The following NRG1 variants were observed in gnomAD, a reference collection of about 807,000 sequenced individuals.
NRG1 encodes pro-neuregulin-1, membrane-bound isoform.
NRG1 carries 18 observed loss-of-function variants against 63.8 expected under a neutral mutation model. That is an observed-to-expected ratio of 0.28 (90% confidence interval 0.19 to 0.42). The LOEUF (loss-of-function observed/expected upper bound fraction) is 0.42, where lower values mean the gene tolerates loss of function less well. Among genes scored for constraint, NRG1 ranks in the 10% least tolerant of loss-of-function variants. The pLI, the probability that NRG1 is intolerant of heterozygous loss-of-function variation, is 1.00. For synonymous variants in NRG1, 302 were observed against 301.3 expected (o/e 1.00, Z -0.02); for missense variants, 762 against 814.7 (o/e 0.94, Z 0.79).
chr8:31,834,290 C>CAT (rs1825456591), intron 1 of NRG1, among the ~76,000 whole-genome samples: 2 of 66,834 alleles, frequency 3.0e-5, no homozygotes, highest in Admixed American at 1.6e-4. Context: ...TCCCTTCATG[C>CAT]GTGTGCGCGC....
chr8:32,720,166 G>T (rs944820212), intron 5 of NRG1, among the ~76,000 whole-genome samples: 1 of 152,050 alleles, frequency 6.6e-6, no homozygotes, highest in African/African-American at 2.4e-5. Context: ...GTAGCTTGTT[G>T]AATAACTGAA....
chr8:32,755,348 C>T (rs1170810178), intron 8 of NRG1, among the ~76,000 whole-genome samples: 1 of 152,118 alleles, frequency 6.6e-6, no homozygotes, highest in Non-Finnish European at 1.5e-5. Flanking sequence ...GCCAAACCAT[C>T]CATGGGAATA....
intron 1 of NRG1, among the ~76,000 whole-genome samples, chr8:31,716,621 C>G (rs955756330): frequency 6.6e-6 from 1 of 152,212 alleles, no homozygotes; most frequent in Non-Finnish European, 1.5e-5. Flanking sequence ...ATCTTAATAA[C>G]ATATATTACC....
At chr8:32,390,196 G>A (rs1456018054) in intron 1 of NRG1, among the ~76,000 whole-genome samples, 1 of 152,072 alleles carries the variant, frequency 6.6e-6, no homozygotes, top group Admixed American at 6.6e-5. Context: ...CCTGATTCTG[G>A]AAATGCTTTC....
chr8:32,290,169 A>G (rs1342692333), intron 1 of NRG1, among the ~76,000 whole-genome samples: 2 of 152,104 alleles, frequency 1.3e-5, no homozygotes, highest in African/African-American at 4.8e-5. Context: ...TGAGCCCAGG[A>G]GTTTGGGGCT....
chr8:31,812,040 C>G (rs1822937657), intron 1 of NRG1, among the ~76,000 whole-genome samples: 1 of 152,122 alleles, frequency 6.6e-6, no homozygotes, highest in Admixed American at 6.6e-5. Flanking sequence ...TGTGGGTGCT[C>G]AGAGTATCAG....
At chr8:32,331,938 A>G (rs543355249) in intron 1 of NRG1, among the ~76,000 whole-genome samples, 35 of 152,274 alleles carry the variant, frequency 2.3e-4, no homozygotes, top group African/African-American at 8.2e-4. Flanking sequence ...AGTAAAACAT[A>G]TAAGGCCAGA....
chr8:31,747,170 A>C lies in NRG1; in HGVS notation c.37+107739A>C, dbSNP rs143500371. 2.6e-5 allele frequency among the ~76,000 whole-genome samples: 4 copies of C among 152,124 alleles called. No homozygotes were observed. In the East Asian group the frequency reaches 7.8e-4, roughly 30 times the overall value. On this transcript the variant is annotated intron_variant, in intron 1 of 10. Transcript: ENST00000519301. The stretch of plus-strand genomic sequence containing the variant: ...CATTTTAAAATAACCTGAAGAGTGC[A>C]GTTGGATTCTTTGTAACCCACAGGA...
At chr8:32,366,517 A>G (rs1204777941) in intron 1 of NRG1, among the ~76,000 whole-genome samples, 2 of 151,986 alleles carry the variant, frequency 1.3e-5, no homozygotes, top group African/African-American at 4.8e-5. Flanking sequence ...GTTGATGCAT[A>G]TAACAGATTT....
At chr8:31,786,154 G>C (rs2131635704) in intron 1 of NRG1, among the ~76,000 whole-genome samples, 1 of 152,230 alleles carries the variant, frequency 6.6e-6, no homozygotes, top group African/African-American at 2.4e-5. Context: ...AAATGAATAT[G>C]GCTTGCTTCT....
At chr8:32,480,007 A>C (rs549454825) in intron 1 of NRG1, among the ~76,000 whole-genome samples, 1 of 152,256 alleles carries the variant, frequency 6.6e-6, no homozygotes, top group Non-Finnish European at 1.5e-5. Context: ...GGATCACTTA[A>C]AGACCCATAC....
intron 5 of NRG1, among the ~76,000 whole-genome samples, chr8:32,691,530 A>C (rs372273514): frequency 6.7e-4 from 102 of 152,250 alleles, no homozygotes; most frequent in African/African-American, 2.3e-3. Context: ...AGAATCTAAA[A>C]ATGATCTGAG....
At chr8:32,233,986 C>T (rs981617952) in intron 1 of NRG1, among the ~76,000 whole-genome samples, 1 of 152,160 alleles carries the variant, frequency 6.6e-6, no homozygotes, top group African/African-American at 2.4e-5. Context: ...ATTTTTATTT[C>T]AGTGGCTTAG....
At chr8:31,866,572 A>G (rs1178350722) in intron 1 of NRG1, among the ~76,000 whole-genome samples, 5 of 152,152 alleles carry the variant, frequency 3.3e-5, no homozygotes, top group Admixed American at 2.0e-4. Context: ...CCATACTACA[A>G]TGGCTGTTGA....
At chr8:31,829,082 G>A (rs1420654866) in intron 1 of NRG1, among the ~76,000 whole-genome samples, 1 of 152,244 alleles carries the variant, frequency 6.6e-6, no homozygotes, top group African/African-American at 2.4e-5. Flanking sequence ...CTGCTTTTGG[G>A]AATCAAGAAA....
intron 1 of NRG1, among the ~76,000 whole-genome samples, chr8:31,854,002 G>T (rs1477178432): frequency 2.1e-4 from 31 of 147,730 alleles, no homozygotes; most frequent in Non-Finnish European, 4.4e-4. Context: ...TGTGCTGCTG[G>T]ATTTGGTTTG....
intron 1 of NRG1, among the ~76,000 whole-genome samples, chr8:32,391,806 C>CA (rs1811804841): frequency 6.6e-6 from 1 of 152,046 alleles, no homozygotes; most frequent in South Asian, 2.1e-4. Context: ...TTTTAATTGA[C>CA]AAAAATAATA....
chr8:32,245,886 A>G (rs2347066), intron 1 of NRG1, among the ~76,000 whole-genome samples: 105,620 of 152,006 alleles, frequency 0.69, 37,265 homozygotes, highest in African/African-American at 0.79. Flanking sequence ...TATAAATTTC[A>G]GTAAATGCCT....
At chr8:32,519,664 G>A (rs547611254) in intron 1 of NRG1, among the ~76,000 whole-genome samples, 2 of 151,992 alleles carry the variant, frequency 1.3e-5, no homozygotes, top group South Asian at 4.2e-4. Flanking sequence ...TTCTGCTCTG[G>A]TGCTATGAAG....
Sources: allele counts gnomAD v4.1 joint callset (sites outside exome capture counted in the v4.1 genomes callset), GRCh38; gene constraint gnomAD v4.1.1; transcripts MANE v1.5; gene names NCBI Gene and HGNC (gene_info 2026-07-23, HGNC 2026-07-21).